GARRE1: variants seen among roughly 807,000 people sequenced by gnomAD.
GARRE1 encodes the protein granule associated Rac and RHOG effector 1, also known as granule associated Rac and RHOG effector protein 1.
A neutral mutation model predicts 103.2 loss-of-function variants in GARRE1; 49 were observed. That is an observed-to-expected ratio of 0.47 (90% CI 0.38 to 0.60). The LOEUF (loss-of-function observed/expected upper bound fraction) is 0.60. Ranked by LOEUF, GARRE1 falls within the 20% of genes least tolerant of loss-of-function variation. The pLI, the probability that GARRE1 is intolerant of heterozygous loss-of-function variation, is 0.00. For synonymous variants in GARRE1, 505 were observed against 532.8 expected (o/e 0.95, Z 0.72); for missense variants, 1,199 against 1,370.5 (o/e 0.87, Z 1.98).
chr19:34,279,409 G>A (rs1299069976), intron 1 of GARRE1, among the ~76,000 whole-genome samples: 1 of 151,702 alleles, frequency 6.6e-6, no homozygotes, highest in Non-Finnish European at 1.5e-5. Flanking sequence ...GGGCTCAGGT[G>A]ATCCTCCCAC....
rs2074242740 is a variant in GARRE1 at position 34,352,380 on chromosome 19, C to CAA, written c.2905-267_2905-266insAA. 1.5e-4 allele frequency among the ~76,000 whole-genome samples: 22 copies of CAA among 146,612 alleles called. No individual in the cohort carries two copies. The South Asian group carries it at 4.8e-3, about 32-fold the overall frequency. On this transcript the variant is annotated intron_variant, in intron 13 of 13. Transcript: ENST00000299505. The stretch of plus-strand genomic sequence containing the variant: ...TCGTACCACTGCACTCCAGCCTGGG[C>CAA]GAGAGACAGACTGCATCTCAAAAAA...
chr19:34,337,857 GACAAGCCAAGTC>G (rs1409065438), intron 8 of GARRE1, among the ~76,000 whole-genome samples: 1 of 152,194 alleles, frequency 6.6e-6, no homozygotes, highest in East Asian at 1.9e-4. Context: ...GCAAACATGT[GACAAGCCAAGTC>G]ACAACCAGAC....
intron 1 of GARRE1, among the ~76,000 whole-genome samples, chr19:34,274,174 G>A (rs1351533540): frequency 1.3e-5 from 2 of 152,032 alleles, no homozygotes; most frequent in Non-Finnish European, 2.9e-5. Flanking sequence ...GGGAGGCCGC[G>A]GCGGGTGGAT....
chr19:34,299,139 T>C (rs1217752419), intron 1 of GARRE1, among the ~76,000 whole-genome samples: 1 of 152,198 alleles, frequency 6.6e-6, no homozygotes, highest in Non-Finnish European at 1.5e-5. Flanking sequence ...TTTGCCGTGG[T>C]GGTCCTTTAC....
chr19:34,335,642 C>T (rs2074157769), intron 8 of GARRE1, among the ~76,000 whole-genome samples: 1 of 152,168 alleles, frequency 6.6e-6, no homozygotes, highest in Non-Finnish European at 1.5e-5. Flanking sequence ...TCTCCTGCCT[C>T]AGCTTCCTGG....
At chr19:34,286,454 C>G (rs577995902) in intron 1 of GARRE1, among the ~76,000 whole-genome samples, 55 of 151,682 alleles carry the variant, frequency 3.6e-4, no homozygotes, top group African/African-American at 1.3e-3. Flanking sequence ...CTCCTGACCT[C>G]TTGATCTGTC....
At chr19:34,275,832 A>G (rs1555779885) in intron 1 of GARRE1, among the ~76,000 whole-genome samples, 1 of 152,166 alleles carries the variant, frequency 6.6e-6, no homozygotes, top group Non-Finnish European at 1.5e-5. Flanking sequence ...ACCATTTTGT[A>G]TTACCCTGAG....
chr19:34,324,748 C>T (rs998786606), intron 3 of GARRE1, among the ~76,000 whole-genome samples: 2 of 152,128 alleles, frequency 1.3e-5, no homozygotes, highest in Non-Finnish European at 2.9e-5. Flanking sequence ...CTCCTGCACC[C>T]GGTCTGTAAA....
At chr19:34,258,256 C>A (rs2073687900) in intron 1 of GARRE1, among the ~76,000 whole-genome samples, 2 of 152,126 alleles carry the variant, frequency 1.3e-5, no homozygotes, top group Non-Finnish European at 2.9e-5. Flanking sequence ...TCTCTTCATA[C>A]ATCTACCTTG....
chr19:34,264,999 G>A (rs963046216), intron 1 of GARRE1, among the ~76,000 whole-genome samples: 6 of 152,016 alleles, frequency 3.9e-5, no homozygotes, highest in South Asian at 4.2e-4. Context: ...TTTTGATTAT[G>A]TTCCTTGTGT....
In GARRE1 at chr19:34,342,125, G is replaced by A. The variant is rs2074189159; in HGVS notation, c.2191G>A (p.Val731Ile). Reference protein sequence around the residue: ...QQSPKQQQPQVQYYQHLLQPI... With the variant: ...QQSPKQQQPQIQYYQHLLQPI... Reference sequence around the variant, plus strand: ...GTCCCCAAAGCAGCAACAACCTCAAGTCCAATACTACCAACACCTACTCCA... The same window carrying A: ...GTCCCCAAAGCAGCAACAACCTCAAATCCAATACTACCAACACCTACTCCA... The change falls in exon 10 of 14, where the codon GTC (valine) becomes ATC (isoleucine). Residue 731 changes from valine to isoleucine, a missense_variant. Physicochemically the swap from Val to Ile is conservative, Grantham distance 29. Transcript: ENST00000299505. 7 of 1,614,114 alleles carry A rather than the reference G, an allele frequency of 4.3e-6. No homozygotes were observed. Among genetic ancestry groups the A allele is most frequent in the Non-Finnish European group, 5.1e-6 (6 of 1,180,030 alleles).
chr19:34,301,110 T>C, intron 2 of GARRE1, 142 bp downstream of exon 2: 1 of 911,950 alleles, frequency 1.1e-6, no homozygotes, highest in Non-Finnish European at 1.6e-6. Flanking sequence ...GTAAAAAATG[T>C]GTGCGTGCCA....
rs781598440 is a variant in GARRE1, at chr19:34,300,949, T to C, written c.476T>C (p.Phe159Ser). 6.2e-7 allele frequency: 1 copy of C among 1,601,754 alleles called. No homozygotes were observed. Among genetic ancestry groups the C allele is most frequent in the East Asian group, 2.2e-5 (1 of 44,850 alleles). The change falls in exon 2 of 14, where the codon TTC becomes TCC. Residue 159 changes from phenylalanine (F) to serine (S), a missense_variant. Transcript: ENST00000299505. ...GCAAATTTTACGGATCAGAAGGAAT[T>C]CAGTCTCCAGGACATTGAGGTAGAG... is the stretch of plus-strand genomic sequence containing the variant. ...GAANFTDQKEFSLQDIEVLGR... is the reference protein window; with the variant it reads ...GAANFTDQKESSLQDIEVLGR...
intron 6 of GARRE1, 46 bp from the exon 7 acceptor site, chr19:34,330,142 GC>G (rs767383506): frequency 3.3e-5 from 51 of 1,548,096 alleles, no homozygotes; most frequent in Non-Finnish European, 4.3e-5. Context: ...TTAGAACCTT[GC>G]ATGGCTTTGT....
At chr19:34,351,691 T>A (rs979187191) in intron 13 of GARRE1, 99 bp downstream of exon 13, 38 of 823,494 alleles carry the variant, frequency 4.6e-5, no homozygotes, top group Non-Finnish European at 6.9e-5. Flanking sequence ...TTGTGGTGAT[T>A]AATTTTGTGT....
intron 11 of GARRE1, among the ~76,000 whole-genome samples, 163 bp downstream of exon 11, chr19:34,348,205 G>A (rs2074221573): frequency 6.6e-6 from 1 of 152,208 alleles, no homozygotes; most frequent in Admixed American, 6.5e-5. Context: ...AGGGGTCAGA[G>A]TCATGTGGCT....
At chr19:34,351,981 C>T (rs1270271996) in intron 13 of GARRE1, among the ~76,000 whole-genome samples, 2 of 152,154 alleles carry the variant, frequency 1.3e-5, no homozygotes, top group Non-Finnish European at 2.9e-5. Flanking sequence ...GCCTGTAGTC[C>T]TAGCTGCCCA....
chr19:34,289,806 C>T (rs1260806927), intron 1 of GARRE1, among the ~76,000 whole-genome samples: 1 of 152,090 alleles, frequency 6.6e-6, no homozygotes, highest in Non-Finnish European at 1.5e-5. Context: ...GATCTGTCTG[C>T]CAGTTTGAAG....
At chr19:34,329,019 TAAG>T (rs1377038292) in intron 6 of GARRE1, among the ~76,000 whole-genome samples, 12 of 152,324 alleles carry the variant, frequency 7.9e-5, no homozygotes, top group African/African-American at 2.6e-4. Context: ...ATGAATTAAA[TAAG>T]AAGAGAGATG....
Sources: allele counts gnomAD v4.1 joint callset (sites outside exome capture counted in the v4.1 genomes callset), GRCh38; gene constraint gnomAD v4.1.1; transcripts MANE v1.5; gene names NCBI Gene and HGNC (gene_info 2026-07-23, HGNC 2026-07-21).